AGAP3: variants seen among roughly 807,000 people sequenced by gnomAD.
AGAP3 encodes arf-GAP with GTPase, ANK repeat and PH domain-containing protein 3.
AGAP3 carries 24 observed loss-of-function variants against 96.9 expected under a neutral mutation model. The ratio of observed to expected loss-of-function variants is 0.25; its 90% CI spans 0.18 to 0.35. The LOEUF (loss-of-function observed/expected upper bound fraction) is 0.35, where lower values mean the gene tolerates loss of function less well. Among genes scored for constraint, AGAP3 ranks in the 10% least tolerant of loss-of-function variants. The pLI is 1.00. For missense variants in AGAP3, 876 were observed against 1,254.2 expected (o/e 0.70, Z 4.55); for synonymous variants, 563 against 536.1 (o/e 1.05, Z -0.69).
At chr7:151,122,662 T>A in intron 8 of AGAP3, 1 of 1,604,076 alleles carries the variant, frequency 6.2e-7, no homozygotes, top group Admixed American at 1.7e-5. Context: ...TCACCGGTGC[T>A]GACCGACTTG....
intron 1 of AGAP3, among the ~76,000 whole-genome samples, chr7:151,113,490 A>G (rs1298324868): frequency 6.6e-6 from 1 of 152,198 alleles, no homozygotes; most frequent in African/African-American, 2.4e-5. Context: ...CCCCTCAGGA[A>G]TGTGCCACTT....
Position 151,108,080 on chromosome 7 carries a change from C to G in AGAP3, c.332-8713C>G, listed in dbSNP as rs560171574. Among the ~76,000 whole-genome samples, 4 of 152,366 alleles carry G rather than the reference C, an allele frequency of 2.6e-5. No individual in the cohort carries two copies. In the South Asian group the frequency reaches 8.3e-4, roughly 32 times the overall value. ...CTGCTAGAAAGCAGAGCTAAGCCCACAGTTGCTGTTGCTGGTCAGAGCTGG... is the reference window on the plus strand; with the variant it reads ...CTGCTAGAAAGCAGAGCTAAGCCCAGAGTTGCTGTTGCTGGTCAGAGCTGG... On this transcript the variant is annotated intron_variant, in intron 1 of 17. Coordinates refer to ENST00000397238, the MANE Select transcript of AGAP3 (RefSeq NM_031946.7). This position sits in a 1 kb window ranked among gnomAD's most constrained non-coding sequence, Gnocchi z 4.2.
rs921322794 is a variant in AGAP3, at chr7:151,143,146, T to C, written c.2274-195T>C. ...CCTTTCAGCTTCTCCCACCCCCCTTTCCATTACCCACTGCCCCTCTGTGTG... is the reference window on the plus strand; with the variant it reads ...CCTTTCAGCTTCTCCCACCCCCCTTCCCATTACCCACTGCCCCTCTGTGTG... On this transcript the variant is annotated intron_variant, in intron 16 of 17. Coordinates refer to ENST00000397238, the MANE Select transcript of AGAP3 (RefSeq NM_031946.7). The surrounding 1 kb of genome is among the most constrained non-coding windows in gnomAD (Gnocchi z 5.9). Among the ~76,000 whole-genome samples the C allele has an allele frequency of 1.3e-5, 2 of 152,166 alleles. No homozygotes were observed. The highest frequency in any genetic ancestry group is 2.9e-5 in the Non-Finnish European group (2 of 68,022).
At chr7:151,131,655 C>T (rs367678641) in intron 10 of AGAP3, among the ~76,000 whole-genome samples, 35 of 152,314 alleles carry the variant, frequency 2.3e-4, no homozygotes, top group African/African-American at 7.0e-4. Context: ...CTGTGGGTGC[C>T]GGCCTGCCCT....
chr7:151,094,863 C>G (rs1798536016), intron 1 of AGAP3, among the ~76,000 whole-genome samples: 1 of 151,294 alleles, frequency 6.6e-6, no homozygotes, highest in Non-Finnish European at 1.5e-5. Flanking sequence ...CCCTCCCTTC[C>G]TCCCTTCCTC....
Position 151,114,854 on chromosome 7 carries a change from GC to G in AGAP3, c.332-1938del. On this transcript the variant is annotated intron_variant, in intron 1 of 17. Transcript: ENST00000397238. The surrounding 1 kb of genome is among the most constrained non-coding windows in gnomAD (Gnocchi z 4.4). ...GCCGCGCCCACAGCGTCTGCGACTCGCTGGACCTGCACGGCGCCTCGGCCGG... is the reference window on the plus strand; with the variant it reads ...GCCGCGCCCACAGCGTCTGCGACTCGTGGACCTGCACGGCGCCTCGGCCGG... The G allele has an allele frequency of 2.9e-6, 3 of 1,046,808 alleles. No homozygotes were observed. In the South Asian group the frequency reaches 1.0e-4, roughly 35 times the overall value. The allele number at this position is 1,046,808 out of a possible 1,614,324, so 64.8% of individuals were successfully genotyped here. A position where few individuals can be genotyped will look rare whatever the true frequency, so the allele number is the denominator to read the frequency against.
At position 151,142,117 on chromosome 7, in the gene AGAP3, T is replaced by C; in HGVS notation, c.1960-46T>C. ...TGGGGTGGGACTGAAAGGGGCCTCA[T>C]GACTGACCAACCGCCCCTTGTCTTG... On this transcript the variant is annotated intron_variant, in intron 14 of 17. Transcript: ENST00000397238. The surrounding 1 kb of genome is among the most constrained non-coding windows in gnomAD (Gnocchi z 7.5). 1.2e-6 allele frequency: 2 copies of C among 1,610,548 alleles called. No homozygotes were observed. The highest frequency in any genetic ancestry group is 1.1e-5 in the South Asian group (1 of 90,596).
intron 8 of AGAP3, chr7:151,122,943 G>GA (rs1186117671): frequency 6.9e-7 from 1 of 1,447,598 alleles, no homozygotes; most frequent in Non-Finnish European, 9.0e-7. Flanking sequence ...CACCCCCAGG[G>GA]AAGGCTAGGA....
At position 151,142,220 on chromosome 7, in the gene AGAP3, G is replaced by A. The variant is rs376540785; in HGVS notation, c.2017G>A (p.Gly673Ser). The part of the protein sequence containing the change: ...LAVQAVRTVR[G>S]NSFCIDCDAP... ...TGTGCAGGCCGTCCGCACCGTCCGC[G>A]GCAACAGCTTTTGTATCGACTGCGA... The change falls in exon 15 of 18, where the codon GGC becomes AGC. Residue 673 changes from glycine (G) to serine (S), a missense_variant. Coordinates refer to ENST00000397238, the MANE Select transcript of AGAP3 (RefSeq NM_031946.7). This position sits in a 1 kb window ranked among gnomAD's most constrained non-coding sequence, Gnocchi z 7.5. The A allele has an allele frequency of 1.2e-5, 19 of 1,613,420 alleles. No homozygotes were observed. The highest frequency in any genetic ancestry group is 1.0e-4 in the Admixed American group (6 of 60,000).
At position 151,096,267 on chromosome 7, in the gene AGAP3, G is replaced by A. The variant is rs1156680976; in HGVS notation, c.331+9195G>A. ...AATGACCATTTCCGGACCCGAGCCTGAGAGCCCAGGTGGCAGAGTGTGGGG... is the reference window on the plus strand; with the variant it reads ...AATGACCATTTCCGGACCCGAGCCTAAGAGCCCAGGTGGCAGAGTGTGGGG... On this transcript the variant is annotated intron_variant, in intron 1 of 17. Coordinates refer to ENST00000397238, the MANE Select transcript of AGAP3 (RefSeq NM_031946.7). The surrounding 1 kb of genome is among the most constrained non-coding windows in gnomAD (Gnocchi z 4.4). Among the ~76,000 whole-genome samples, 1 of 152,192 alleles carries A rather than the reference G, an allele frequency of 6.6e-6. No individual in the cohort carries two copies. Among genetic ancestry groups the A allele is most frequent in the Non-Finnish European group, 1.5e-5 (1 of 68,026 alleles).
At chr7:151,135,375 C>G (rs1482863966) in intron 11 of AGAP3, among the ~76,000 whole-genome samples, 1 of 152,212 alleles carries the variant, frequency 6.6e-6, no homozygotes, top group African/African-American at 2.4e-5. Flanking sequence ...CTTGGCAGCA[C>G]AGGTCTGCAG....
intron 1 of AGAP3, among the ~76,000 whole-genome samples, chr7:151,101,832 G>A (rs913553293): frequency 6.6e-6 from 1 of 152,178 alleles, no homozygotes. Context: ...CCCAGGCCTC[G>A]GGGTGAGAGA....
rs547668937 is a variant in AGAP3, at chr7:151,091,930, C to T, written c.331+4858C>T. Among the ~76,000 whole-genome samples the T allele has an allele frequency of 1.7e-4, 26 of 151,926 alleles. 1 individual carries two copies. The highest frequency in any genetic ancestry group is 5.8e-4 in the African/African-American group (24 of 41,494). On this transcript the variant is annotated intron_variant, in intron 1 of 17. Transcript: ENST00000397238. ...AGAGGAAACAGGATGATGAAGATAACGGAGGCAGGAGAACATAGTGTGGCT... is the reference window on the plus strand; with the variant it reads ...AGAGGAAACAGGATGATGAAGATAATGGAGGCAGGAGAACATAGTGTGGCT...
Position 151,120,110 on chromosome 7 carries a change from C to G in AGAP3, c.1093C>G (p.Arg365Gly). ...TGCCTCCTCCACCCCCACACCCATCCGAAAGCAGTCCAAGCGGCGCTCCAA... is the reference window on the plus strand; with the variant it reads ...TGCCTCCTCCACCCCCACACCCATCGGAAAGCAGTCCAAGCGGCGCTCCAA... ...IAASSTPTPI[R>G]KQSKRRSNIF... is the part of the protein sequence containing the mutation. The change falls in exon 8 of 18, where the codon CGA becomes GGA. Residue 365 changes from arginine to glycine, a missense_variant. Coordinates refer to ENST00000397238, the MANE Select transcript of AGAP3 (RefSeq NM_031946.7). The G allele has an allele frequency of 6.2e-7, 1 of 1,613,412 alleles. No individual in the cohort carries two copies. Among genetic ancestry groups the G allele is most frequent in the Non-Finnish European group, 8.5e-7 (1 of 1,179,622 alleles).
chr7:151,143,436 T>C lies in AGAP3; in HGVS notation c.2369T>C (p.Leu790Pro), dbSNP rs753295927. ...GATGTGCCACTGGGGCAGCAGCTGC[T>C]CCGGGCCGTGGTGGAAGATGACCTG... Reference protein sequence around the residue: ...SSDVPLGQQLLRAVVEDDLRL... With the variant: ...SSDVPLGQQLPRAVVEDDLRL... The change falls in exon 17 of 18, where the codon CTC (leucine) becomes CCC (proline). Residue 790 changes from leucine (L) to proline (P), a missense_variant. Coordinates refer to ENST00000397238, the MANE Select transcript of AGAP3 (RefSeq NM_031946.7). This position sits in a 1 kb window ranked among gnomAD's most constrained non-coding sequence, Gnocchi z 5.9. 2 of 1,614,164 alleles carry C rather than the reference T, an allele frequency of 1.2e-6. No homozygotes were observed. Among genetic ancestry groups the C allele is most frequent in the Non-Finnish European group, 1.7e-6 (2 of 1,180,018 alleles).
In AGAP3 at chr7:151,118,256, C is replaced by T. The variant is rs1484745490; in HGVS notation, c.753C>T (p.Ala251=). Residue 251 remains alanine, a synonymous_variant, in exon 6 of 18, where the codon GCC becomes GCT. Coordinates refer to ENST00000397238, the MANE Select transcript of AGAP3 (RefSeq NM_031946.7). This position sits in a 1 kb window ranked among gnomAD's most constrained non-coding sequence, Gnocchi z 6.1. The stretch of plus-strand genomic sequence containing the variant: ...CCCGGGTTATCGACGACAGCAGAGC[C>T]CGCAAGCTCTCCACAGATCTGAAGC... ...ANPRVIDDSR[A]RKLSTDLKRC... 2 of 1,613,154 alleles carry T rather than the reference C, an allele frequency of 1.2e-6. No homozygotes were observed. Among genetic ancestry groups the T allele is most frequent in the African/African-American group, 2.7e-5 (2 of 74,922 alleles).
rs141009222 is a variant in AGAP3 at position 151,144,263 on chromosome 7, C to G, written c.*320C>G. ...TGCCTCCTAGTGCCAGCCCCTCACA[C>G]GCCTTCATCCTGAAACAGGAAGAGG... On this transcript the variant is annotated 3_prime_UTR_variant, in exon 18 of 18. Coordinates refer to ENST00000397238, the MANE Select transcript of AGAP3 (RefSeq NM_031946.7). The G allele has an allele frequency of 5.4e-6, 2 of 367,402 alleles. No individual in the cohort carries two copies. Among genetic ancestry groups the G allele is most frequent in the Non-Finnish European group, 9.9e-6 (2 of 201,074 alleles). 22.8% of individuals were successfully genotyped at this position (367,402 alleles called of 1,614,324 possible).
intron 1 of AGAP3, among the ~76,000 whole-genome samples, chr7:151,100,392 C>T (rs985222221): frequency 2.0e-5 from 3 of 152,146 alleles, no homozygotes; most frequent in East Asian, 3.8e-4. Context: ...GGTCCTGAGC[C>T]GTACAGCAGC....
intron 10 of AGAP3, among the ~76,000 whole-genome samples, chr7:151,130,368 G>T (rs996440767): frequency 2.0e-5 from 3 of 152,182 alleles, no homozygotes; most frequent in Admixed American, 2.0e-4. Flanking sequence ...GCTCAGGGGG[G>T]TTGGTGGCTT....
Sources: gnomAD v4.1 joint callset for allele counts (sites outside exome capture counted in the v4.1 genomes callset) on GRCh38, gnomAD v4.1.1 for gene constraint, Gnocchi (gnomAD v3.1) non-coding constraint, MANE v1.5 for transcripts, NCBI Gene and HGNC (gene_info 2026-07-23, HGNC 2026-07-21) for gene names.